RHBDL3: variants seen among roughly 807,000 people sequenced by gnomAD.
The protein encoded by RHBDL3 is rhomboid like 3.
In RHBDL3, 28 loss-of-function variants were observed where a neutral mutation model predicts 48.2. That is an observed-to-expected ratio of 0.58 (90% CI 0.43 to 0.80). The LOEUF (loss-of-function observed/expected upper bound fraction) is 0.80. Among genes scored for constraint, RHBDL3 ranks in the 30% least tolerant of loss-of-function variants. The probability of loss-of-function intolerance (pLI) is 0.00; values close to 1 mark genes in which losing one functional copy is unlikely to be tolerated. For synonymous variants in RHBDL3, 208 were observed against 232.3 expected, an observed-to-expected ratio of 0.90 and a Z score of 0.95; for missense variants, 464 against 542.7, an observed-to-expected ratio of 0.85 and a Z score of 1.44.
intron 2 of RHBDL3, among the ~76,000 whole-genome samples, chr17:32,282,918 G>A (rs1005161574): frequency 1.3e-5 from 2 of 152,152 alleles, no homozygotes; most frequent in Non-Finnish European, 2.9e-5. Context: ...CACCGCGCCC[G>A]GCCTTCTGTG....
intron 6 of RHBDL3, among the ~76,000 whole-genome samples, chr17:32,303,570 G>A (rs995851579): frequency 3.9e-5 from 6 of 152,204 alleles, no homozygotes; most frequent in African/African-American, 1.4e-4. Context: ...AAAGCCAGAG[G>A]GAAGGCATGA....
intron 4 of RHBDL3, among the ~76,000 whole-genome samples, chr17:32,291,257 C>A (rs552436380): frequency 1.1e-4 from 16 of 151,306 alleles, no homozygotes; most frequent in African/African-American, 3.9e-4. Flanking sequence ...TGCTTGAACC[C>A]GGGAGGCGGA....
intron 3 of RHBDL3, among the ~76,000 whole-genome samples, chr17:32,285,808 CA>C (rs1457363062): frequency 6.6e-6 from 1 of 152,190 alleles, no homozygotes; most frequent in Non-Finnish European, 1.5e-5. Flanking sequence ...CTCCTAAATT[CA>C]AAGGCACCAG....
intron 3 of RHBDL3, among the ~76,000 whole-genome samples, chr17:32,287,425 C>G (rs975402425): frequency 6.6e-6 from 1 of 152,188 alleles, no homozygotes; most frequent in African/African-American, 2.4e-5. Context: ...TAGGTCCAAG[C>G]TTTGTAGGCA....
chr17:32,291,706 C>T (rs1413219804), intron 4 of RHBDL3, among the ~76,000 whole-genome samples: 1 of 151,520 alleles, frequency 6.6e-6, no homozygotes, highest in Non-Finnish European at 1.5e-5. Context: ...CAAAAAATGT[C>T]ATCTTCCTGG....
In RHBDL3 at chr17:32,283,317, CTTTTTTT is replaced by C. The variant is rs1156849774; in HGVS notation, c.136-1326_136-1320del. Among the ~76,000 whole-genome samples the C allele has an allele frequency of 1.4e-4, 13 of 92,936 alleles. 1 individual carries two copies. In the South Asian group the frequency reaches 1.8e-3, roughly 13 times the overall value. The allele number at this position is 92,936 out of a possible 152,430, so 61.0% of individuals were successfully genotyped here. On this transcript the variant is annotated intron_variant, in intron 2 of 8. Transcript: ENST00000269051. ...GGTGACTAAGATCCTGCCTTTTCTTCTTTTTTTTTTTTTTTTTTTTTTGAGATGGAGT... is the reference window on the plus strand; with the variant it reads ...GGTGACTAAGATCCTGCCTTTTCTTCTTTTTTTTTTTTTTTGAGATGGAGT...
At chr17:32,287,485 C>G (rs947203790) in intron 3 of RHBDL3, among the ~76,000 whole-genome samples, 1 of 152,110 alleles carries the variant, frequency 6.6e-6, no homozygotes, top group African/African-American at 2.4e-5. Context: ...TCTGGGATGG[C>G]CTGCTGGAGG....
At chr17:32,295,646 G>A (rs2040428393) in intron 5 of RHBDL3, among the ~76,000 whole-genome samples, 1 of 152,198 alleles carries the variant, frequency 6.6e-6, no homozygotes, top group African/African-American at 2.4e-5. Flanking sequence ...GGTGAGGAAG[G>A]AGAATAGCCA....
intron 4 of RHBDL3, among the ~76,000 whole-genome samples, chr17:32,293,170 G>GGC (rs892925375): frequency 6.9e-6 from 1 of 145,144 alleles, no homozygotes; most frequent in African/African-American, 2.7e-5. Flanking sequence ...AGGGGCTGGA[G>GGC]GGAGGGGGTG....
chr17:32,281,310 C>G (rs905065), intron 2 of RHBDL3, among the ~76,000 whole-genome samples: 86,438 of 151,512 alleles, frequency 0.57, 27,826 homozygotes, highest in African/African-American at 0.89. Flanking sequence ...TCTTTGTCTG[C>G]AGCCTGATCC....
At chr17:32,268,844 A>T (rs12940686) in intron 2 of RHBDL3, among the ~76,000 whole-genome samples, 1 of 152,106 alleles carries the variant, frequency 6.6e-6, no homozygotes, top group African/African-American at 2.4e-5. Flanking sequence ...GGCTTGGGAA[A>T]GCTCCAGTGT....
chr17:32,311,462 C>T (rs554440244), intron 7 of RHBDL3, among the ~76,000 whole-genome samples: 12 of 152,288 alleles, frequency 7.9e-5, no homozygotes, highest in Admixed American at 1.3e-4. Context: ...CTGGGACAGA[C>T]GGCCCAGGCA....
At chr17:32,308,762 G>A (rs1022790365) in intron 7 of RHBDL3, among the ~76,000 whole-genome samples, 2 of 152,228 alleles carry the variant, frequency 1.3e-5, no homozygotes, top group Admixed American at 6.5e-5. Flanking sequence ...GCGTTGGGTC[G>A]ACCCATATGA....
chr17:32,296,775 T>TTTTTATTTTATTTTATTTTATTTTA (rs140902896), intron 5 of RHBDL3, among the ~76,000 whole-genome samples: 1 of 141,092 alleles, frequency 7.1e-6, no homozygotes, highest in African/African-American at 2.6e-5. Flanking sequence ...CCGTAGCTCT[T>TTTTTATTTTATTTTATTTTATTTTA]TTTTATTTTA....
chr17:32,290,251 G>A (rs182553153), intron 4 of RHBDL3, among the ~76,000 whole-genome samples: 65 of 152,284 alleles, frequency 4.3e-4, no homozygotes, highest in Non-Finnish European at 6.0e-4. Context: ...AGTGTGTGCC[G>A]GGCAGGGGGC....
At chr17:32,310,363 C>T (rs865952163) in intron 7 of RHBDL3, among the ~76,000 whole-genome samples, 1 of 151,856 alleles carries the variant, frequency 6.6e-6, no homozygotes, top group Non-Finnish European at 1.5e-5. Flanking sequence ...GGGCAGATCA[C>T]GAGGTCAGGA....
intron 4 of RHBDL3, among the ~76,000 whole-genome samples, chr17:32,293,503 A>G (rs868199995): frequency 2.7e-4 from 41 of 149,976 alleles, no homozygotes; most frequent in Middle Eastern, 3.4e-3. Context: ...AATCGCTTGA[A>G]CCCGGGAGGC....
Position 32,284,781 on chromosome 17 carries a change from G to A in RHBDL3, c.258G>A (p.Ala86=), listed in dbSNP as rs151142906. The A allele has an allele frequency of 2.8e-4, 453 of 1,614,028 alleles. No homozygotes were observed. Among genetic ancestry groups the A allele is most frequent in the Non-Finnish European group, 3.5e-4 (408 of 1,180,014 alleles). The change falls in exon 3 of 9, where the codon GCG becomes GCA. Residue 86 remains alanine (A), a synonymous_variant. Coordinates refer to ENST00000269051, the MANE Select transcript of RHBDL3 (RefSeq NM_138328.3). ...EVLLALADSH[A]DGQIGYQDFV... ...TCCTGGCTCTTGCCGACAGCCACGC[G>A]GATGGGCAGATCGGCTACCAGGATT...
chr17:32,276,873 G>T (rs1168826368), intron 2 of RHBDL3, among the ~76,000 whole-genome samples: 87 of 73,402 alleles, frequency 1.2e-3, no homozygotes, highest in South Asian at 4.9e-3. Flanking sequence ...CCCTAGCACA[G>T]TACTGCGGCC....
Sources: gnomAD v4.1 joint callset for allele counts (sites outside exome capture counted in the v4.1 genomes callset) on GRCh38, gnomAD v4.1.1 for gene constraint, MANE v1.5 for transcripts, NCBI Gene and HGNC (gene_info 2026-07-23, HGNC 2026-07-21) for gene names.